The following GCG variants were observed in gnomAD, a reference collection of about 807,000 sequenced individuals.
GCG encodes the protein pro-glucagon.
A neutral mutation model predicts 22.8 loss-of-function variants in GCG; 11 were observed. The ratio of observed to expected loss-of-function variants is 0.48; its 90% CI spans 0.30 to 0.80. GCG has a LOEUF of 0.80. Among genes scored for constraint, GCG ranks in the 30% least tolerant of loss-of-function variants. The pLI, the probability that GCG is intolerant of heterozygous loss-of-function variation, is 0.06. For missense variants in GCG, 222 were observed against 222.0 expected, an observed-to-expected ratio of 1.00 and a Z score of 0.00; for synonymous variants, 89 against 72.4, an observed-to-expected ratio of 1.23 and a Z score of -1.16.
Position 162,149,104 on chromosome 2 carries a change from G to T in GCG, c.75C>A (p.Asp25Glu). Residue 25 changes from aspartate to glutamate, a missense_variant, in exon 2 of 6, where the codon GAC (aspartate) becomes GAA (glutamate). Asp to Glu is a conservative substitution (Grantham distance 45). Coordinates refer to ENST00000418842, the MANE Select transcript of GCG (RefSeq NM_002054.5). ...VQGSWQRSLQDTEEKSRSFSA... is the reference protein window; with the variant it reads ...VQGSWQRSLQETEEKSRSFSA... ...TTTAATACCTGGATTTCTCCTCTGT[G>T]TCTTGAAGGGAACGTTGCCAGCTGC... is the stretch of plus-strand genomic sequence containing the variant. 6.2e-7 allele frequency: 1 copy of T among 1,606,932 alleles called. No individual in the cohort carries two copies. The highest frequency in any genetic ancestry group is 8.5e-7 in the Non-Finnish European group (1 of 1,173,826).
At chr2:162,143,461 A>T (rs988307717) in intron 5 of GCG, 91 bp from the exon 6 acceptor site, 4 of 561,226 alleles carry the variant, frequency 7.1e-6, no homozygotes, top group Non-Finnish European at 1.3e-5. Context: ...ATTTATTTTG[A>T]TAAAAGTTGT....
At chr2:162,145,885 C>A (rs915639918) in intron 3 of GCG, among the ~76,000 whole-genome samples, 6 of 152,060 alleles carry the variant, frequency 3.9e-5, no homozygotes, top group African/African-American at 1.4e-4. Flanking sequence ...AATCGGTGGG[C>A]TAAAGCTCCC....
intron 3 of GCG, among the ~76,000 whole-genome samples, chr2:162,146,029 G>A (rs1686674831): frequency 6.6e-6 from 1 of 152,192 alleles, no homozygotes; most frequent in Non-Finnish European, 1.5e-5. Flanking sequence ...AAGCAAGGCA[G>A]CTGTTTGTTA....
At chr2:162,144,591 G>A (rs1331294330) in intron 4 of GCG, 1 of 154,586 alleles carries the variant, frequency 6.5e-6, no homozygotes, top group African/African-American at 2.4e-5. Context: ...TCTTTCACTG[G>A]TTTACTATTG....
Position 162,145,334 on chromosome 2 carries a change from T to C in GCG, c.392+206A>G, listed in dbSNP as rs558295836. ...ATGCAACTATAAGGGGATACAAATG[T>C]AACCTGTTTGGCTCTATTATTAATA... On this transcript the variant is annotated intron_variant, in intron 4 of 5. Transcript: ENST00000418842. 4.7e-4 allele frequency: 220 copies of C among 464,710 alleles called. 2 individuals are homozygous for C. Among genetic ancestry groups the C allele is most frequent in the Middle Eastern group, 3.3e-3 (6 of 1,818 alleles). The allele number at this position is 464,710 out of a possible 1,614,324, so 28.8% of individuals were successfully genotyped here.
Position 162,143,350 on chromosome 2 carries a change from G to A in GCG, c.*14C>T. ...CAGGTGATGTTGTGAAGATGATCTT[G>A]AATAGTGATATAGTTATTTCCTAGA... On this transcript the variant is annotated 3_prime_UTR_variant, in exon 6 of 6. Transcript: ENST00000418842. 8.2e-7 allele frequency: 1 copy of A among 1,226,692 alleles called. No individual in the cohort carries two copies. Among genetic ancestry groups the A allele is most frequent in the East Asian group, 2.6e-5 (1 of 38,516 alleles). The allele number at this position is 1,226,692 out of a possible 1,614,324, so 76.0% of individuals were successfully genotyped here. A position where few individuals can be genotyped will look rare whatever the true frequency, so the allele number is the denominator to read the frequency against.
rs565984674 is a variant in GCG at position 162,149,881 on chromosome 2, C to G, written c.-9-694G>C. The stretch of plus-strand genomic sequence containing the variant: ...ATGCTTCTGGCAACGTGAACAATCA[C>G]AACTAAAAAACTAAGAGATTACTAT... On this transcript the variant is annotated intron_variant, in intron 1 of 5. Transcript: ENST00000418842. Among the ~76,000 whole-genome samples, 3 of 152,004 alleles carry G rather than the reference C, an allele frequency of 2.0e-5. No homozygotes were observed. The South Asian group carries it at 6.2e-4, about 31-fold the overall frequency.
chr2:162,143,536 A>G (rs1051090634), intron 5 of GCG, among the ~76,000 whole-genome samples, 166 bp from the exon 6 acceptor site: 5 of 152,168 alleles, frequency 3.3e-5, no homozygotes, highest in African/African-American at 1.2e-4. Context: ...TCATTTAAAG[A>G]TTATTTATCC....
At chr2:162,146,119 A>G (rs1686676714) in intron 3 of GCG, among the ~76,000 whole-genome samples, 1 of 152,188 alleles carries the variant, frequency 6.6e-6, no homozygotes, top group Non-Finnish European at 1.5e-5. Flanking sequence ...CAAAAGGACC[A>G]CTTGATAATG....
chr2:162,150,555 A>G (rs1686808840), intron 1 of GCG, among the ~76,000 whole-genome samples: 3 of 152,118 alleles, frequency 2.0e-5, no homozygotes, highest in South Asian at 2.1e-4. Context: ...CAAATTACCA[A>G]TTTGACATTT....
In GCG at chr2:162,143,150, T is replaced by C. The variant is rs1044742162; in HGVS notation, c.*214A>G. On this transcript the variant is annotated 3_prime_UTR_variant, in exon 6 of 6. Coordinates refer to ENST00000418842, the MANE Select transcript of GCG (RefSeq NM_002054.5). ...AAGAAAATAACAGAATCTAGCACTTTCATATTTTAAAGCTGATATTTTAGC... is the reference window on the plus strand; with the variant it reads ...AAGAAAATAACAGAATCTAGCACTTCCATATTTTAAAGCTGATATTTTAGC... 1.8e-5 allele frequency: 7 copies of C among 399,572 alleles called. No homozygotes were observed. Among genetic ancestry groups the C allele is most frequent in the African/African-American group, 1.2e-4 (6 of 48,240 alleles). 24.8% of individuals were successfully genotyped at this position (399,572 alleles called of 1,614,324 possible). A position where few individuals can be genotyped will look rare whatever the true frequency, so the allele number is the denominator to read the frequency against.
intron 3 of GCG, among the ~76,000 whole-genome samples, chr2:162,147,135 T>C (rs111991909): frequency 1.3e-5 from 2 of 152,120 alleles, no homozygotes; most frequent in Non-Finnish European, 2.9e-5. Flanking sequence ...TTAAAGGCTA[T>C]GTCACACTGG....
chr2:162,143,843 C>T, intron 5 of GCG, 184 bp downstream of exon 5: 1 of 616,774 alleles, frequency 1.6e-6, no homozygotes, highest in Non-Finnish European at 2.9e-6. Context: ...TAAATAGATA[C>T]AAACTGTAAT....
rs377278314 is a variant in GCG at position 162,149,186 on chromosome 2, G to A, written c.-8C>T. On this transcript the variant is annotated splice_region_variant and 5_prime_UTR_variant, in exon 2 of 6. Transcript: ENST00000418842. Reference sequence around the variant, plus strand: ...AAAGTAAATGCTTTTCATTTCTGCTGTCTGTCAGAACACAGAATGGGGGTA... The same window carrying A: ...AAAGTAAATGCTTTTCATTTCTGCTATCTGTCAGAACACAGAATGGGGGTA... 6.3e-6 allele frequency: 10 copies of A among 1,595,122 alleles called. No homozygotes were observed. The African/African-American group carries it at 9.4e-5, about 15-fold the overall frequency.
At chr2:162,143,421 T>A (rs376296040) in intron 5 of GCG, 51 bp from the exon 6 acceptor site, 2 of 706,358 alleles carry the variant, frequency 2.8e-6, no homozygotes, top group South Asian at 2.1e-5. Context: ...TAAGATGATA[T>A]CATTAACTTA....
chr2:162,145,400 G>A (rs764950800), intron 4 of GCG, 140 bp downstream of exon 4: 10 of 747,126 alleles, frequency 1.3e-5, no homozygotes, highest in Non-Finnish European at 2.1e-5. Context: ...TTTATATACT[G>A]TTTTTCATCA....
rs1198270349 is a variant in GCG at position 162,145,634 on chromosome 2, C to G, written c.298G>C (p.Glu100Gln). The G allele has an allele frequency of 6.2e-7, 1 of 1,610,690 alleles. No individual in the cohort carries two copies. ...KRHDEFERHA[E>Q]GTFTSDVSSY... ...CTTACATCACTGGTAAAGGTCCCTT[C>G]AGCATGTCTCTCAAATTCATCGTGA... The change falls in exon 4 of 6, where the codon GAA becomes CAA. Residue 100 changes from glutamate (E) to glutamine (Q), a missense_variant. Physicochemically the swap from Glu to Gln is conservative, Grantham distance 29 (BLOSUM62 2). Coordinates refer to ENST00000418842, the MANE Select transcript of GCG (RefSeq NM_002054.5).
intron 1 of GCG, among the ~76,000 whole-genome samples, chr2:162,151,625 C>T (rs1025782687): frequency 3.9e-5 from 6 of 152,062 alleles, no homozygotes; most frequent in African/African-American, 1.4e-4. Flanking sequence ...CAAAGAGTTG[C>T]TTTAATGGAC....
chr2:162,149,813 G>A (rs2106198030), intron 1 of GCG, among the ~76,000 whole-genome samples: 1 of 152,018 alleles, frequency 6.6e-6, no homozygotes. Flanking sequence ...TAAATTAAAG[G>A]GAAAAAATCA....
Sources: allele counts gnomAD v4.1 joint callset (sites outside exome capture counted in the v4.1 genomes callset), GRCh38; gene constraint gnomAD v4.1.1; transcripts MANE v1.5; gene names NCBI Gene and HGNC (gene_info 2026-07-23, HGNC 2026-07-21).